The following SLC13A3 variants were observed in gnomAD, a reference collection of about 807,000 sequenced individuals.
SLC13A3 encodes the protein Na(+)/dicarboxylate cotransporter 3.
In SLC13A3, 40 loss-of-function variants were observed where a neutral mutation model predicts 59.0. The observed-to-expected ratio is 0.68, with a 90% CI of 0.53 to 0.88. The LOEUF (loss-of-function observed/expected upper bound fraction) is 0.88, where lower values mean the gene tolerates loss of function less well. SLC13A3 is among the 40% of genes least tolerant of loss of function. The pLI, the probability that SLC13A3 is intolerant of heterozygous loss-of-function variation, is 0.00. For missense variants in SLC13A3, 699 were observed against 783.2 expected, an observed-to-expected ratio of 0.89 and a Z score of 1.28; for synonymous variants, 317 against 330.3, an observed-to-expected ratio of 0.96 and a Z score of 0.44.
rs148754253 is a variant in SLC13A3, at chr20:46,562,168, ATCT to A, written c.1632+1243_1632+1245del. ...TTCACTCCAGCCAGCAGCCAAAATG[ATCT>A]TCTACAGACAGAAGTGAAATCACAT... On this transcript the variant is annotated intron_variant, in intron 12 of 12. Transcript: ENST00000279027. 1.2e-3 allele frequency among the ~76,000 whole-genome samples: 186 copies of A among 152,260 alleles called. 1 individual carries two copies. The highest frequency in any genetic ancestry group is 2.2e-3 in the Non-Finnish European group (147 of 68,010).
intron 1 of SLC13A3, among the ~76,000 whole-genome samples, chr20:46,678,942 G>A (rs529397950): frequency 3.9e-5 from 6 of 152,192 alleles, no homozygotes; most frequent in Admixed American, 2.0e-4. Context: ...AAAGGAGCCC[G>A]GCTCCTCCCC....
chr20:46,679,354 C>T (rs1235535207), intron 1 of SLC13A3, among the ~76,000 whole-genome samples: 1 of 151,084 alleles, frequency 6.6e-6, no homozygotes, highest in African/African-American at 2.4e-5. Flanking sequence ...GTCAGGAGTT[C>T]GAGACTAGCC....
intron 1 of SLC13A3, among the ~76,000 whole-genome samples, chr20:46,684,127 G>GA (rs1165293718): frequency 6.6e-6 from 1 of 152,168 alleles, no homozygotes; most frequent in African/African-American, 2.4e-5. Flanking sequence ...TGCTGTCGGG[G>GA]ATGTTTCTTC....
chr20:46,591,788 G>C (rs1445131635), intron 6 of SLC13A3, among the ~76,000 whole-genome samples: 1 of 152,182 alleles, frequency 6.6e-6, no homozygotes, highest in Non-Finnish European at 1.5e-5. Flanking sequence ...CTGGTCAAGA[G>C]TGTTTACCTT....
chr20:46,653,259 A>G (rs1486019613), upstream of SLC13A3, among the ~76,000 whole-genome samples: 1 of 152,228 alleles, frequency 6.6e-6, no homozygotes, highest in Non-Finnish European at 1.5e-5. Context: ...ATTTTGATGT[A>G]GTTAAATTTA....
chr20:46,648,350 G>A (rs1368258711), intron 1 of SLC13A3, among the ~76,000 whole-genome samples: 1 of 152,142 alleles, frequency 6.6e-6, no homozygotes, highest in Non-Finnish European at 1.5e-5. Flanking sequence ...AAACACGTCT[G>A]TTCTTAATGT....
rs766092610 is a variant in SLC13A3 at position 46,596,268 on chromosome 20, C to T, written c.683G>A (p.Arg228Gln). The change falls in exon 5 of 13, where the codon CGG (arginine) becomes CAG (glutamine). Residue 228 changes from arginine (R) to glutamine (Q), a missense_variant. Physicochemically the swap from Arg to Gln is conservative, Grantham distance 43. Transcript: ENST00000279027. ...ADSRKEDEYR[R>Q]NIWKGFLISI... ...GATGAGGAAGCCCTTCCAGATGTTC[C>T]GACGATATTCATCCTCCTTCCTGGA... 15 of 1,613,984 alleles carry T rather than the reference C, an allele frequency of 9.3e-6. No homozygotes were observed. Among genetic ancestry groups the T allele is most frequent in the East Asian group, 4.5e-5 (2 of 44,882 alleles).
At chr20:46,675,036 A>C (rs978317104), upstream of SLC13A3, among the ~76,000 whole-genome samples, 7 of 152,068 alleles carry the variant, frequency 4.6e-5, no homozygotes, top group Non-Finnish European at 1.0e-4. Flanking sequence ...CAGTGGGAAA[A>C]GTGTTTCAGG....
At chr20:46,662,905 C>G (rs147057539) in intron 1 of SLC13A3, among the ~76,000 whole-genome samples, 72 of 152,170 alleles carry the variant, frequency 4.7e-4, no homozygotes, top group African/African-American at 1.7e-3. Context: ...TGTAACTGAC[C>G]TTGGTGTGAA....
chr20:46,563,575 G>C, intron 11 of SLC13A3, 24 bp from the exon 12 acceptor site: 1 of 1,610,940 alleles, frequency 6.2e-7, no homozygotes, highest in Non-Finnish European at 8.5e-7. Flanking sequence ...AGGTGGGAGA[G>C]ACCCGGAGAG....
chr20:46,599,305 C>G (rs1185745789), intron 4 of SLC13A3, among the ~76,000 whole-genome samples: 2 of 152,254 alleles, frequency 1.3e-5, no homozygotes, highest in African/African-American at 2.4e-5. Context: ...GAGCAGATCG[C>G]TTGGCTCCCT....
intron 1 of SLC13A3, among the ~76,000 whole-genome samples, chr20:46,643,358 G>T (rs1303108008): frequency 6.6e-6 from 1 of 152,174 alleles, no homozygotes; most frequent in Admixed American, 6.5e-5. Flanking sequence ...ATAGGGGCAG[G>T]GACGGCCTTT....
chr20:46,590,187 A>G (rs566658005), intron 6 of SLC13A3, among the ~76,000 whole-genome samples: 1 of 152,166 alleles, frequency 6.6e-6, no homozygotes, highest in Non-Finnish European at 1.5e-5. Flanking sequence ...ATAAGGATGA[A>G]CTCCAAATAG....
At chr20:46,676,110 T>C (rs914393566) in intron 1 of SLC13A3, 3 of 152,162 alleles carry the variant, frequency 2.0e-5, no homozygotes, top group Non-Finnish European at 4.4e-5. Context: ...GGTTTCGCCA[T>C]GTTGGCCAGA....
intron 11 of SLC13A3, 67 bp from the exon 12 acceptor site, chr20:46,563,618 G>GAGAGAC (rs2146076683): frequency 6.8e-7 from 1 of 1,460,400 alleles, no homozygotes; most frequent in Non-Finnish European, 9.3e-7. Context: ...GCAAGAGGGA[G>GAGAGAC]AGAGAGAGAG....
At chr20:46,598,869 C>T (rs2062343536) in intron 4 of SLC13A3, among the ~76,000 whole-genome samples, 1 of 152,114 alleles carries the variant, frequency 6.6e-6, no homozygotes. Flanking sequence ...TCCAGCCACA[C>T]TGGCTTCCTG....
rs768991117 is a variant in SLC13A3 at position 46,563,449 on chromosome 20, C to T, written c.1597G>A (p.Ala533Thr). 2 of 1,614,002 alleles carry T rather than the reference C, an allele frequency of 1.2e-6. No individual in the cohort carries two copies. Among genetic ancestry groups the T allele is most frequent in the Non-Finnish European group, 1.7e-6 (2 of 1,179,986 alleles). Residue 533 changes from alanine (A) to threonine (T), a missense_variant, in exon 12 of 13, where the codon GCC becomes ACC. By Grantham distance (58) the Ala-to-Thr change is moderately conservative (BLOSUM62 0). Coordinates refer to ENST00000279027, the MANE Select transcript of SLC13A3 (RefSeq NM_022829.6). ...ACCAGCAAGTGTCCAGAGGCGAAGG[C>T]GATGGAGTTGGGGGGCGTTGAGACC... Reference protein sequence around the residue: ...LPVSTPPNSIAFASGHLLVKD... With the variant: ...LPVSTPPNSITFASGHLLVKD...
At chr20:46,609,144 TAC>T in intron 3 of SLC13A3, 2 of 1,456,944 alleles carry the variant, frequency 1.4e-6, no homozygotes, top group Non-Finnish European at 1.8e-6. Context: ...CCTTTTAAAA[TAC>T]AGTTATGTAA....
intron 9 of SLC13A3, among the ~76,000 whole-genome samples, chr20:46,577,086 T>C (rs1251036672): frequency 7.1e-6 from 1 of 140,724 alleles, no homozygotes; most frequent in African/African-American, 2.7e-5. Context: ...AGCCCACAGA[T>C]GTATGAAGCC....
Sources: gnomAD v4.1 joint callset for allele counts (sites outside exome capture counted in the v4.1 genomes callset) on GRCh38, gnomAD v4.1.1 for gene constraint, MANE v1.5 for transcripts, NCBI Gene and HGNC (gene_info 2026-07-23, HGNC 2026-07-21) for gene names.